The following CALN1 variants were observed in gnomAD, a reference collection of about 807,000 sequenced individuals.
CALN1 encodes calneuron 1.
CALN1 carries 17 observed loss-of-function variants against 30.6 expected under a neutral mutation model. The observed-to-expected ratio is 0.56, with a 90% CI of 0.38 to 0.83. CALN1 has a LOEUF of 0.83. CALN1 is among the 40% of genes least tolerant of loss of function. The probability of loss-of-function intolerance (pLI) is 0.00; values close to 1 mark genes in which losing one functional copy is unlikely to be tolerated. For missense variants in CALN1, 291 were observed against 354.9 expected (o/e 0.82, Z 1.45); for synonymous variants, 156 against 131.4 (o/e 1.19, Z -1.28).
intron 2 of CALN1, among the ~76,000 whole-genome samples, chr7:72,391,101 T>C (rs575421612): frequency 9.2e-5 from 14 of 152,302 alleles, no homozygotes; most frequent in Non-Finnish European, 1.5e-4. Flanking sequence ...TTAATCGGCT[T>C]GTGGAGAATT....
chr7:72,281,249 C>G (rs1797718460), intron 2 of CALN1, among the ~76,000 whole-genome samples: 1 of 152,142 alleles, frequency 6.6e-6, no homozygotes, highest in Admixed American at 6.6e-5. Flanking sequence ...AAGAAGGCCC[C>G]TGAAAGATGT....
intron 4 of CALN1, among the ~76,000 whole-genome samples, chr7:72,050,559 G>A (rs1294924108): frequency 2.0e-5 from 3 of 152,068 alleles, no homozygotes; most frequent in South Asian, 2.1e-4. Flanking sequence ...AGATCACTCC[G>A]AAATGGAAAA....
chr7:71,891,699 T>C (rs1202197340), intron 5 of CALN1, among the ~76,000 whole-genome samples: 1 of 152,012 alleles, frequency 6.6e-6, no homozygotes, highest in East Asian at 1.9e-4. Flanking sequence ...ATCCCAGCAC[T>C]TCGGGAAGCC....
chr7:72,438,144 GT>G (rs1413026860), intron 1 of CALN1, among the ~76,000 whole-genome samples: 1 of 150,656 alleles, frequency 6.6e-6, no homozygotes, highest in Non-Finnish European at 1.5e-5. Flanking sequence ...CAGCTAATTC[GT>G]TTTTCTTTTT....
intron 2 of CALN1, among the ~76,000 whole-genome samples, chr7:72,393,951 A>G (rs1280493637): frequency 2.0e-5 from 3 of 152,118 alleles, no homozygotes; most frequent in African/African-American, 7.2e-5. Context: ...CATTGATGTT[A>G]ATCATCAAGT....
intron 5 of CALN1, among the ~76,000 whole-genome samples, chr7:71,846,094 G>A (rs887349562): frequency 1.3e-5 from 2 of 152,062 alleles, no homozygotes; most frequent in African/African-American, 2.4e-5. Context: ...GGATGTCATC[G>A]TCTTCTGCCC....
chr7:71,925,989 G>A (rs924278357), intron 5 of CALN1, among the ~76,000 whole-genome samples: 1 of 152,180 alleles, frequency 6.6e-6, no homozygotes, highest in Middle Eastern at 3.2e-3. Context: ...GAGTAGCTGG[G>A]AGTACAGGCA....
chr7:71,824,401 A>C (rs1348454645), intron 5 of CALN1, among the ~76,000 whole-genome samples: 1 of 151,868 alleles, frequency 6.6e-6, no homozygotes, highest in East Asian at 1.9e-4. Context: ...AAGCAGACTA[A>C]CTGAACTTGT....
intron 3 of CALN1, among the ~76,000 whole-genome samples, chr7:72,242,678 A>C (rs1794917665): frequency 6.6e-6 from 1 of 152,176 alleles, no homozygotes; most frequent in South Asian, 2.1e-4. Flanking sequence ...ACTTGAGGTC[A>C]GGAGTTTGAG....
chr7:72,032,326 A>G (rs1035693497), intron 4 of CALN1, among the ~76,000 whole-genome samples: 8 of 152,020 alleles, frequency 5.3e-5, no homozygotes, highest in Non-Finnish European at 8.8e-5. Context: ...GATTACAGGC[A>G]TGAGCCACCG....
chr7:72,126,157 A>G (rs1371193547), intron 3 of CALN1, among the ~76,000 whole-genome samples: 1 of 152,138 alleles, frequency 6.6e-6, no homozygotes, highest in Non-Finnish European at 1.5e-5. Flanking sequence ...TATAAGTGAG[A>G]ACATACAATG....
intron 2 of CALN1, among the ~76,000 whole-genome samples, chr7:72,369,687 A>G (rs1285439616): frequency 6.6e-6 from 1 of 152,138 alleles, no homozygotes; most frequent in African/African-American, 2.4e-5. Context: ...CACTCGTAAG[A>G]ATTACCATAG....
chr7:72,338,469 C>CAGAGAG (rs200027177), intron 2 of CALN1, among the ~76,000 whole-genome samples: 1 of 41,946 alleles, frequency 2.4e-5, no homozygotes, highest in African/African-American at 7.5e-5. Flanking sequence ...GCCAGCAGCA[C>CAGAGAG]AGTGTGTGTG....
At chr7:72,062,815 G>A (rs1803759505) in intron 4 of CALN1, among the ~76,000 whole-genome samples, 1 of 152,076 alleles carries the variant, frequency 6.6e-6, no homozygotes, top group African/African-American at 2.4e-5. Flanking sequence ...TAAAGAAATT[G>A]CATTCACAGT....
At chr7:72,428,062 T>C (rs1000631023) in intron 1 of CALN1, among the ~76,000 whole-genome samples, 1 of 152,168 alleles carries the variant, frequency 6.6e-6, no homozygotes. Flanking sequence ...CAATGTCCCT[T>C]CTGTGTTCAT....
intron 4 of CALN1, among the ~76,000 whole-genome samples, chr7:72,058,180 C>T (rs983318033): frequency 6.6e-6 from 1 of 152,120 alleles, no homozygotes; most frequent in Non-Finnish European, 1.5e-5. Flanking sequence ...AAGTCTTATC[C>T]AGATGAGACC....
intron 4 of CALN1, among the ~76,000 whole-genome samples, chr7:72,030,280 C>A (rs983063001): frequency 6.6e-6 from 1 of 152,168 alleles, no homozygotes; most frequent in Non-Finnish European, 1.5e-5. Context: ...GAGGAACAAT[C>A]AGGATAGGTC....
At chr7:71,929,860 G>A (rs752756281) in intron 5 of CALN1, among the ~76,000 whole-genome samples, 2 of 152,202 alleles carry the variant, frequency 1.3e-5, no homozygotes, top group Non-Finnish European at 2.9e-5. Flanking sequence ...AGCAATGGAT[G>A]AGGGTTCCAA....
chr7:72,141,359 G>T (rs1383465344), intron 3 of CALN1, among the ~76,000 whole-genome samples: 1 of 152,064 alleles, frequency 6.6e-6, no homozygotes, highest in East Asian at 1.9e-4. Flanking sequence ...TAGCACTTTG[G>T]GAGGCTGAAG....
Sources: allele counts gnomAD v4.1 joint callset (sites outside exome capture counted in the v4.1 genomes callset), GRCh38; gene constraint gnomAD v4.1.1; transcripts MANE v1.5; gene names NCBI Gene and HGNC (gene_info 2026-07-23, HGNC 2026-07-21).